CMTM1: variants seen among roughly 807,000 people sequenced by gnomAD.
The protein encoded by CMTM1 is CKLF-like MARVEL transmembrane domain-containing protein 1.
A neutral mutation model predicts 17.8 loss-of-function variants in CMTM1; 16 were observed. The ratio of observed to expected loss-of-function variants is 0.90; its 90% CI spans 0.61 to 1.37. The LOEUF (loss-of-function observed/expected upper bound fraction) is 1.37. Among genes scored for constraint, CMTM1 ranks in the 40% most tolerant of loss-of-function variants. CMTM1 has a pLI of 0.00. For synonymous variants in CMTM1, 169 were observed against 154.6 expected (o/e 1.09, Z -0.69); for missense variants, 354 against 375.6 (o/e 0.94, Z 0.47).
Position 66,569,969 on chromosome 16 carries a change from A to G in CMTM1, c.466A>G (p.Ile156Val), listed in dbSNP as rs754136044. ...CTTAGGAGCATTAGCTTGTTTCATC[A>G]TCACCCAAGCCAATGAGTCATTTAT... ...LILGALACFI[I>V]TQANESFITI... Residue 156 changes from isoleucine to valine, a missense_variant, in exon 2 of 4, where the codon ATC becomes GTC. Ile to Val is a conservative substitution (Grantham distance 29, BLOSUM62 3). Coordinates refer to ENST00000379500, the MANE Select transcript of CMTM1 (RefSeq NM_052999.4). 12 of 1,611,122 alleles carry G rather than the reference A, an allele frequency of 7.4e-6. No homozygotes were observed. In the South Asian group the frequency reaches 1.3e-4, roughly 18 times the overall value.
intron 3 of CMTM1, among the ~76,000 whole-genome samples, chr16:66,577,814 T>G (rs2014433445): frequency 6.6e-6 from 1 of 152,192 alleles, no homozygotes; most frequent in Admixed American, 6.5e-5. Flanking sequence ...GATCAAATGC[T>G]TGGAAGATTC....
At chr16:66,570,189 C>T (rs1567373523) in intron 2 of CMTM1, 95 bp downstream of exon 2, 6 of 994,836 alleles carry the variant, frequency 6.0e-6, no homozygotes, top group Middle Eastern at 2.2e-4. Context: ...AGCTATCTCT[C>T]TAGACAAGGA....
intron 2 of CMTM1, chr16:66,575,302 C>T: frequency 2.7e-6 from 2 of 732,860 alleles, no homozygotes; most frequent in Non-Finnish European, 1.7e-6. Flanking sequence ...CAGATGCTTT[C>T]AGATTCATTA....
intron 2 of CMTM1, chr16:66,574,916 T>G: frequency 1.0e-6 from 1 of 978,294 alleles, no homozygotes; most frequent in Non-Finnish European, 1.2e-6. Flanking sequence ...CATCTTTGAC[T>G]ACCTTGGTTT....
In CMTM1 at chr16:66,578,999, T is replaced by C. The variant is rs754489747; in HGVS notation, c.859T>C (p.Ter287ArgextTer?). The C allele has an allele frequency of 6.2e-7, 1 of 1,612,848 alleles. No homozygotes were observed. The highest frequency in any genetic ancestry group is 8.5e-7 in the Non-Finnish European group (1 of 1,179,772). Residue 287 changes from the stop codon to arginine (R), a stop_lost, in exon 4 of 4, where the codon TGA becomes CGA. Transcript: ENST00000379500. ...TGPDAPQRPA* is the reference protein window; with the variant it reads ...TGPDAPQRPAR ...CCCCGACGCCCCGCAGAGGCCCGCC[T>C]GAAGCCAGCCCGGCGCCCTAGCAGA...
chr16:66,576,457 T>C (rs2014260688), intron 2 of CMTM1, among the ~76,000 whole-genome samples: 1 of 150,740 alleles, frequency 6.6e-6, no homozygotes, highest in African/African-American at 2.4e-5. Flanking sequence ...AGGAGCACAA[T>C]GAGCCTGCAG....
rs747785103 is a variant in CMTM1, at chr16:66,566,771, C to A, written c.258C>A (p.Pro86=). 1 of 1,613,390 alleles carries A rather than the reference C, an allele frequency of 6.2e-7. No homozygotes were observed. Among genetic ancestry groups the A allele is most frequent in the Non-Finnish European group, 8.5e-7 (1 of 1,179,678 alleles). ...CAAGGAAAGCCACCACACGCCCACCCCCAAAGCCCACACTCCCACCCCCCA... is the reference window on the plus strand; with the variant it reads ...CAAGGAAAGCCACCACACGCCCACCACCAAAGCCCACACTCCCACCCCCCA... ...APSRKATTRP[P]PKPTLPPPTP... Residue 86 remains proline, a synonymous_variant, in exon 1 of 4, where the codon CCC becomes CCA. Transcript: ENST00000379500. The surrounding 1 kb of genome is among the most constrained non-coding windows in gnomAD (Gnocchi z 4.9).
At chr16:66,567,023 G>T in intron 1 of CMTM1, 78 bp downstream of exon 1, 1 of 1,471,882 alleles carries the variant, frequency 6.8e-7, no homozygotes, top group South Asian at 1.2e-5. Context: ...CGGGGTGCCA[G>T]CTCCAGAAAC....
In CMTM1 at chr16:66,566,498, G is replaced by A. The variant is rs1159019528; in HGVS notation, c.-16G>A. 2.5e-6 allele frequency: 4 copies of A among 1,579,290 alleles called. No individual in the cohort carries two copies. In the Admixed American group the frequency reaches 5.4e-5, roughly 21 times the overall value. ...CCGCGGCACTGGTTCAGACGGCCAG[G>A]CCCTAGGGACCCACCATGGATCCTG... On this transcript the variant is annotated 5_prime_UTR_variant, in exon 1 of 4. Coordinates refer to ENST00000379500, the MANE Select transcript of CMTM1 (RefSeq NM_052999.4). This position sits in a 1 kb window ranked among gnomAD's most constrained non-coding sequence, Gnocchi z 4.9.
At chr16:66,569,430 C>T (rs767342917) in intron 1 of CMTM1, among the ~76,000 whole-genome samples, 6 of 152,122 alleles carry the variant, frequency 3.9e-5, no homozygotes, top group Non-Finnish European at 7.4e-5. Context: ...AAGGAAGCAC[C>T]AATTCAATGG....
At position 66,577,969 on chromosome 16, in the gene CMTM1, A is replaced by C. The variant is rs561697640; in HGVS notation, c.690+767A>C. On this transcript the variant is annotated intron_variant, in intron 3 of 3. Transcript: ENST00000379500. ...CATTGATTGTGCCAGACATGAGCTC[A>C]GTGCTGGGGATAGAGCCCTTTCCCC... is the stretch of plus-strand genomic sequence containing the variant. Among the ~76,000 whole-genome samples the C allele has an allele frequency of 3.9e-5, 6 of 152,358 alleles. No homozygotes were observed. In the South Asian group the frequency reaches 1.2e-3, roughly 32 times the overall value.
chr16:66,571,778 T>C (rs1182507007), intron 2 of CMTM1, among the ~76,000 whole-genome samples: 1 of 152,194 alleles, frequency 6.6e-6, no homozygotes, highest in Admixed American at 6.5e-5. Flanking sequence ...AGAAATGGAC[T>C]CATGCAGGCT....
chr16:66,577,196 C>CG lies in CMTM1; in HGVS notation c.690+1dup, dbSNP rs760037737. The CG allele has an allele frequency of 7.1e-5, 114 of 1,612,786 alleles. 1 individual carries two copies. In the South Asian group the frequency reaches 7.1e-4, roughly 10 times the overall value. On this transcript the variant is annotated frameshift_variant, in exon 3 of 4. Coordinates refer to ENST00000379500, the MANE Select transcript of CMTM1 (RefSeq NM_052999.4). LOFTEE classifies it low-confidence loss of function (END_TRUNC). ...AGAAAAGAAGGCATTTACTCTATGT[C>CG]GGGGGGGTAAGTAGAGGCCTTCATG...
rs367966569 is a variant in CMTM1 at position 66,566,725 on chromosome 16, G to A, written c.212G>A (p.Gly71Asp). Residue 71 changes from glycine (G) to aspartate (D), a missense_variant, in exon 1 of 4, where the codon GGC (glycine) becomes GAC (aspartate). Transcript: ENST00000379500. The surrounding 1 kb of genome is among the most constrained non-coding windows in gnomAD (Gnocchi z 4.9). ...TCCGCAGCCGCCGCACGTCCCCAAGGCAGTGAGGGCACCGCACCCTCAAGG... is the reference window on the plus strand; with the variant it reads ...TCCGCAGCCGCCGCACGTCCCCAAGACAGTGAGGGCACCGCACCCTCAAGG... The part of the protein sequence containing the change: ...AQSAAAARPQ[G>D]SEGTAPSRKA... 4.3e-6 allele frequency: 7 copies of A among 1,613,808 alleles called. No individual in the cohort carries two copies. The African/African-American group carries it at 8.0e-5, about 18-fold the overall frequency.
chr16:66,572,395 G>A (rs1054180779), intron 2 of CMTM1, among the ~76,000 whole-genome samples: 8 of 152,204 alleles, frequency 5.3e-5, no homozygotes, highest in African/African-American at 1.4e-4. Flanking sequence ...GATTCTGTGA[G>A]ATGAAGGATG....
At position 66,577,138 on chromosome 16, in the gene CMTM1, T is replaced by C; in HGVS notation, c.626T>C (p.Leu209Pro). Residue 209 changes from leucine (L) to proline (P), a missense_variant, in exon 3 of 4, where the codon CTT becomes CCT. Transcript: ENST00000379500. ...AACAGTATCATTACAGCTGTGTTCC[T>C]TTCAGTAGTTGCCATCTTGGCCATG... ...LTNSIITAVF[L>P]SVVAILAMQE... 2.5e-6 allele frequency: 4 copies of C among 1,614,132 alleles called. No homozygotes were observed. Among genetic ancestry groups the C allele is most frequent in the Non-Finnish European group, 3.4e-6 (4 of 1,179,992 alleles).
intron 1 of CMTM1, among the ~76,000 whole-genome samples, chr16:66,568,606 G>T (rs2012981988): frequency 6.6e-6 from 1 of 152,098 alleles, no homozygotes; most frequent in Non-Finnish European, 1.5e-5. Context: ...AAAAGAGGTG[G>T]CCAGGCGCAG....
At chr16:66,567,712 C>T (rs1360718907) in intron 1 of CMTM1, among the ~76,000 whole-genome samples, 2 of 151,700 alleles carry the variant, frequency 1.3e-5, no homozygotes, top group Non-Finnish European at 2.9e-5. Context: ...AAGCCATTGG[C>T]CAACCAAGAA....
chr16:66,576,112 A>C (rs112561657), intron 2 of CMTM1, among the ~76,000 whole-genome samples: 134 of 152,300 alleles, frequency 8.8e-4, no homozygotes, highest in African/African-American at 3.1e-3. Flanking sequence ...AGAACTCAGG[A>C]CTGGCCGGGC....
Sources: allele counts gnomAD v4.1 joint callset (sites outside exome capture counted in the v4.1 genomes callset), GRCh38; gene constraint gnomAD v4.1.1; non-coding constraint Gnocchi (gnomAD v3.1); transcripts MANE v1.5; gene names NCBI Gene and HGNC (gene_info 2026-07-23, HGNC 2026-07-21).